ARHGEF2: variants seen among roughly 807,000 people sequenced by gnomAD.
ARHGEF2 encodes Rho/Rac guanine nucleotide exchange factor 2.
In ARHGEF2, 22 loss-of-function variants were observed where a neutral mutation model predicts 121.0. The observed-to-expected ratio is 0.18, with a 90% confidence interval of 0.13 to 0.26. ARHGEF2 has a LOEUF of 0.26. Among genes scored for constraint, ARHGEF2 ranks in the 10% least tolerant of loss-of-function variants. The pLI is 1.00. For missense variants in ARHGEF2, 907 were observed against 1,336.0 expected (o/e 0.68, Z 5.01); for synonymous variants, 487 against 530.0 (o/e 0.92, Z 1.11).
chr1:155,963,330 C>A, intron 7 of ARHGEF2, 147 bp from the exon 8 acceptor site: 39 of 589,004 alleles, frequency 6.6e-5, no homozygotes, highest in Non-Finnish European at 9.2e-5. Context: ...AGATACTTTT[C>A]TAATCATTTT....
chr1:155,957,376 A>T (rs1174742294), intron 13 of ARHGEF2, among the ~76,000 whole-genome samples: 2 of 152,252 alleles, frequency 1.3e-5, no homozygotes, highest in Non-Finnish European at 2.9e-5. Context: ...TACAATCCAA[A>T]TAACAGCCCT....
intron 7 of ARHGEF2, 138 bp from the exon 8 acceptor site, chr1:155,963,321 G>T: frequency 1.9e-5 from 12 of 646,952 alleles, no homozygotes; most frequent in Non-Finnish European, 2.5e-5. Flanking sequence ...TATGATCTTA[G>T]ATACTTTTCT....
rs1437228114 is a variant in ARHGEF2, at chr1:155,965,771, G to C, written c.341-11C>G. 1 of 1,584,988 alleles carries C rather than the reference G, an allele frequency of 6.3e-7. No homozygotes were observed. Among genetic ancestry groups the C allele is most frequent in the East Asian group, 2.2e-5 (1 of 44,686 alleles). Reference sequence around the variant, plus strand: ...GCTCCCGGATGGTTGCTGTGGGGGAGAGATGCCCAGCAGGCAAACATCAGA... The same window carrying C: ...GCTCCCGGATGGTTGCTGTGGGGGACAGATGCCCAGCAGGCAAACATCAGA... On this transcript the variant is annotated splice_polypyrimidine_tract_variant and intron_variant, in intron 4 of 21. Transcript: ENST00000361247. The surrounding 1 kb of genome is among the most constrained non-coding windows in gnomAD (Gnocchi z 6.0).
In ARHGEF2 at chr1:155,969,311, G is replaced by T; in HGVS notation, c.64-11C>A. 1 of 1,613,788 alleles carries T rather than the reference G, an allele frequency of 6.2e-7. No homozygotes were observed. The highest frequency in any genetic ancestry group is 8.5e-7 in the Non-Finnish European group (1 of 1,179,884). On this transcript the variant is annotated splice_polypyrimidine_tract_variant and intron_variant, in intron 1 of 21. Coordinates refer to ENST00000361247, the MANE Select transcript of ARHGEF2 (RefSeq NM_001162383.2). ...CTCCTTTTCCCGGGTCTGTGGAAGG[G>T]ATGAGAGGGAGAGGAAGTGAGGCTG...
rs1030588863 is a variant in ARHGEF2 at position 155,972,026 on chromosome 1, C to T, written c.64-2726G>A. 2.6e-5 allele frequency among the ~76,000 whole-genome samples: 4 copies of T among 152,082 alleles called. No homozygotes were observed. In the East Asian group the frequency reaches 7.7e-4, roughly 29 times the overall value. ...CTGCAGCTCTGCCCCAGTGCTGCTA[C>T]GAGTACTCTCTTCCACACCTGACCT... On this transcript the variant is annotated intron_variant, in intron 1 of 21. Transcript: ENST00000361247.
intron 11 of ARHGEF2, among the ~76,000 whole-genome samples, chr1:155,960,249 G>T (rs946014957): frequency 6.6e-6 from 1 of 152,140 alleles, no homozygotes; most frequent in Non-Finnish European, 1.5e-5. Flanking sequence ...AGAATCACTT[G>T]AGGCCAGGAG....
At chr1:155,959,483 A>C (rs1349757520) in intron 11 of ARHGEF2, among the ~76,000 whole-genome samples, 1 of 151,074 alleles carries the variant, frequency 6.6e-6, no homozygotes, top group East Asian at 2.0e-4. Flanking sequence ...CCTGACCTCA[A>C]GTAATCTGCC....
intron 1 of ARHGEF2, among the ~76,000 whole-genome samples, chr1:155,971,574 T>G (rs1680462009): frequency 2.9e-5 from 1 of 34,944 alleles, no homozygotes; most frequent in Non-Finnish European, 1.9e-4. Context: ...AGTGAGACTA[T>G]GTCTCAAAAA....
chr1:155,964,201 T>TATATATATAC (rs1678842274), intron 7 of ARHGEF2, among the ~76,000 whole-genome samples: 1 of 114,762 alleles, frequency 8.7e-6, no homozygotes, highest in African/African-American at 3.4e-5. Flanking sequence ...TATATATACA[T>TATATATATAC]ATATATATAT....
At chr1:155,960,341 G>C (rs762130162) in intron 11 of ARHGEF2, among the ~76,000 whole-genome samples, 18 of 152,078 alleles carry the variant, frequency 1.2e-4, no homozygotes, top group Non-Finnish European at 2.2e-4. Flanking sequence ...TGGTGGTGCA[G>C]GTCTGTAGTC....
At chr1:155,953,704 G>A (rs577096913) in intron 14 of ARHGEF2, among the ~76,000 whole-genome samples, 20 of 133,258 alleles carry the variant, frequency 1.5e-4, no homozygotes, top group Non-Finnish European at 2.0e-4. Context: ...ATCACGCCAC[G>A]CCACTGCACT....
intron 16 of ARHGEF2, 56 bp downstream of exon 16, chr1:155,952,060 T>C (rs1232113636): frequency 6.2e-7 from 1 of 1,613,936 alleles, no homozygotes; most frequent in Admixed American, 1.7e-5. Context: ...CTGGTACCAC[T>C]CTACTAACTT....
rs762348847 is a variant in ARHGEF2 at position 155,950,339 on chromosome 1, C to T, written c.2847G>A (p.Glu949=). The T allele has an allele frequency of 1.2e-6, 2 of 1,613,768 alleles. No individual in the cohort carries two copies. Among genetic ancestry groups the T allele is most frequent in the Non-Finnish European group, 8.5e-7 (1 of 1,180,032 alleles). The change falls in exon 21 of 22, where the codon GAG becomes GAA. Residue 949 remains glutamate (E), a synonymous_variant. Transcript: ENST00000361247. This position sits in a 1 kb window ranked among gnomAD's most constrained non-coding sequence, Gnocchi z 5.2. ...DSSDPDTGSE[E]EGSSRLSPPH... is the part of the protein sequence containing the mutation. Reference sequence around the variant, plus strand: ...GCGGAGACAGACGGCTGCTACCTTCCTCCTCGCTGCCAGTGTCAGGGTCAC... The same window carrying T: ...GCGGAGACAGACGGCTGCTACCTTCTTCCTCGCTGCCAGTGTCAGGGTCAC...
intron 2 of ARHGEF2, among the ~76,000 whole-genome samples, chr1:155,967,809 G>A (rs550148971): frequency 6.6e-6 from 1 of 152,056 alleles, no homozygotes; most frequent in Non-Finnish European, 1.5e-5. Context: ...CTCAGCTCCC[G>A]GCCCTCTCCA....
In ARHGEF2 at chr1:155,978,007, G is replaced by A. The variant is rs1681622095; in HGVS notation, c.63+358C>T. The A allele has an allele frequency of 2.2e-6, 2 of 920,840 alleles. No individual in the cohort carries two copies. Among genetic ancestry groups the A allele is most frequent in the Admixed American group, 5.7e-5 (1 of 17,654 alleles). The allele number at this position is 920,840 out of a possible 1,614,324, so 57.0% of individuals were successfully genotyped here. A position where few individuals can be genotyped will look rare whatever the true frequency, so the allele number is the denominator to read the frequency against. ...GGGCCCGGGGTGAGAGGAGGTGCCG[G>A]AGCTTCCACCGCCCCCACCCGCGAG... On this transcript the variant is annotated intron_variant, in intron 1 of 21. Coordinates refer to ENST00000361247, the MANE Select transcript of ARHGEF2 (RefSeq NM_001162383.2). The surrounding 1 kb of genome is among the most constrained non-coding windows in gnomAD (Gnocchi z 4.1).
At position 155,962,580 on chromosome 1, in the gene ARHGEF2, G is replaced by C. The variant is rs1376450334; in HGVS notation, c.1101+13C>G. The C allele has an allele frequency of 6.2e-7, 1 of 1,612,718 alleles. No homozygotes were observed. Among genetic ancestry groups the C allele is most frequent in the Non-Finnish European group, 8.5e-7 (1 of 1,179,852 alleles). On this transcript the variant is annotated intron_variant, in intron 9 of 21. Transcript: ENST00000361247. This position sits in a 1 kb window ranked among gnomAD's most constrained non-coding sequence, Gnocchi z 5.8. Reference sequence around the variant, plus strand: ...TTGGGCCATGAGCATGGGATCTGGAGAGGTCCGCTCACCCGGATGAATTGC... The same window carrying C: ...TTGGGCCATGAGCATGGGATCTGGACAGGTCCGCTCACCCGGATGAATTGC...
chr1:155,974,853 G>T (rs954955218), intron 1 of ARHGEF2, among the ~76,000 whole-genome samples: 3 of 42,680 alleles, frequency 7.0e-5, no homozygotes, highest in African/African-American at 1.2e-4. Context: ...CAGAAAGAGA[G>T]GGGGGGTAAG....
chr1:155,978,633 G>T, upstream of ARHGEF2: 1 of 1,232,944 alleles, frequency 8.1e-7, no homozygotes, highest in East Asian at 3.2e-5. The surrounding 1 kb of genome is among the most constrained non-coding windows in gnomAD (Gnocchi z 4.1). Context: ...GGAGCGGAGG[G>T]AGGGCGGGGT....
chr1:155,976,051 C>T (rs567093187), intron 1 of ARHGEF2, among the ~76,000 whole-genome samples: 2 of 151,792 alleles, frequency 1.3e-5, no homozygotes, highest in South Asian at 2.1e-4. Flanking sequence ...GAGAAAGGGG[C>T]AGGTTAAACT....
Sources: allele counts gnomAD v4.1 joint callset (sites outside exome capture counted in the v4.1 genomes callset), GRCh38; gene constraint gnomAD v4.1.1; non-coding constraint Gnocchi (gnomAD v3.1); transcripts MANE v1.5; gene names NCBI Gene and HGNC (gene_info 2026-07-23, HGNC 2026-07-21).